The following ACIN1 variants were observed in gnomAD, a reference collection of about 807,000 sequenced individuals.
ACIN1 encodes the protein apoptotic chromatin condensation inducer in the nucleus.
In ACIN1, 16 loss-of-function variants were observed where a neutral mutation model predicts 146.6. The ratio of observed to expected loss-of-function variants is 0.11; its 90% CI spans 0.07 to 0.17. The LOEUF is 0.17. Ranked by LOEUF, ACIN1 falls within the 10% of genes least tolerant of loss-of-function variation. The pLI is 1.00. For missense variants in ACIN1, 1,357 were observed against 1,609.3 expected, an observed-to-expected ratio of 0.84 and a Z score of 2.68; for synonymous variants, 569 against 582.7, an observed-to-expected ratio of 0.98 and a Z score of 0.34.
intron 9 of ACIN1, chr14:23,069,058 G>C (rs896507191): frequency 4.0e-6 from 4 of 988,214 alleles, no homozygotes; most frequent in African/African-American, 3.5e-5. Flanking sequence ...TCTCAGCATG[G>C]CTGGTCTGGT....
chr14:23,063,497 T>C lies in ACIN1; in HGVS notation c.2676A>G (p.Val892=). The change falls in exon 13 of 19, where the codon GTA becomes GTG. Residue 892 remains valine (V), a synonymous_variant. Transcript: ENST00000605057. ...CCACCTCTACTGACACCTGGGGAGG[T>C]ACAGGAGGTTCTGCTTCAGGTTCCT... The part of the protein sequence containing the change: ...EEKEPEAEPP[V]PPQVSVEVAL... 1 of 1,614,096 alleles carries C rather than the reference T, an allele frequency of 6.2e-7. No homozygotes were observed. Among genetic ancestry groups the C allele is most frequent in the Non-Finnish European group, 8.5e-7 (1 of 1,180,012 alleles).
intron 18 of ACIN1, among the ~76,000 whole-genome samples, chr14:23,059,956 GTTTTTTT>G (rs397830741): frequency 5.0e-5 from 5 of 100,150 alleles, no homozygotes; most frequent in African/African-American, 1.7e-4. Flanking sequence ...CGCCCCGCCA[GTTTTTTT>G]TTTTTTTTTT....
rs200319782 is a variant in ACIN1, at chr14:23,081,852, G to A, written c.437-16C>T. 15 of 1,594,886 alleles carry A rather than the reference G, an allele frequency of 9.4e-6. No individual in the cohort carries two copies. The African/African-American group carries it at 1.9e-4, about 20-fold the overall frequency. ...GAGCTTTTTCCTATTGAATGAAAAA[G>A]AATCAAGTCAGATTCATGAAGTGAA... On this transcript the variant is annotated splice_polypyrimidine_tract_variant and intron_variant, in intron 4 of 18. Transcript: ENST00000605057.
Position 23,059,020 on chromosome 14 carries a change from T to C in ACIN1, c.*128A>G. On this transcript the variant is annotated 3_prime_UTR_variant, in exon 19 of 19. Coordinates refer to ENST00000605057, the MANE Select transcript of ACIN1 (RefSeq NM_001386863.1). ...AAAGGATGGCCACTTTTCCATTTGG[T>C]ATGTATGTAGGGATAGGTGATGTGA... The C allele has an allele frequency of 1.2e-6, 1 of 837,944 alleles. No homozygotes were observed. The highest frequency in any genetic ancestry group is 1.9e-6 in the Non-Finnish European group (1 of 531,410). 51.9% of individuals were successfully genotyped at this position (837,944 alleles called of 1,614,324 possible). A position where few individuals can be genotyped will look rare whatever the true frequency, so the allele number is the denominator to read the frequency against.
At chr14:23,083,944 TC>T (rs553193981) in intron 4 of ACIN1, among the ~76,000 whole-genome samples, 124 of 151,684 alleles carry the variant, frequency 8.2e-4, no homozygotes, top group African/African-American at 2.9e-3. Context: ...CAAGATCTTC[TC>T]TCTTATTTTT....
In ACIN1 at chr14:23,061,628, G is replaced by A; in HGVS notation, c.3100-6C>T. On this transcript the variant is annotated splice_polypyrimidine_tract_variant and splice_region_variant and intron_variant, in intron 16 of 18. Transcript: ENST00000605057. ...AGGCCTCGGTGATAATCCAGCTGTG[G>A]GGAGAGGAGGGACAAGGACAGTTAG... 1.3e-6 allele frequency: 2 copies of A among 1,520,854 alleles called. No homozygotes were observed. Among genetic ancestry groups the A allele is most frequent in the East Asian group, 2.5e-5 (1 of 40,758 alleles). 94.2% of individuals were successfully genotyped at this position (1,520,854 alleles called of 1,614,324 possible). A position where few individuals can be genotyped will look rare whatever the true frequency, so the allele number is the denominator to read the frequency against.
chr14:23,095,080 C>G lies in ACIN1; in HGVS notation c.33G>C (p.Gly11=). The change falls in exon 1 of 19, where the codon GGG becomes GGC. Residue 11 remains glycine, a synonymous_variant. Coordinates refer to ENST00000605057, the MANE Select transcript of ACIN1 (RefSeq NM_001386863.1). ...TCACCCGCAGCGCCTGAAGAGGCTT[C>G]CCGTCCAGAGTCACCTCCTCCAGCT... is the stretch of plus-strand genomic sequence containing the variant. MAELEEVTLD[G]KPLQALRVTD... 6.2e-7 allele frequency: 1 copy of G among 1,614,204 alleles called. No homozygotes were observed. Among genetic ancestry groups the G allele is most frequent in the Non-Finnish European group, 8.5e-7 (1 of 1,180,044 alleles).
At chr14:23,071,280 C>A in intron 8 of ACIN1, 1 of 1,501,694 alleles carries the variant, frequency 6.7e-7, no homozygotes, top group South Asian at 1.3e-5. Context: ...GATCCCACCA[C>A]CTCCTCCCCA....
At chr14:23,078,354 G>T (rs2047854950) in intron 7 of ACIN1, 88 bp from the exon 8 acceptor site, 2 of 1,129,720 alleles carry the variant, frequency 1.8e-6, no homozygotes, top group African/African-American at 1.5e-5. Flanking sequence ...AAAAGGCAGG[G>T]CAGGACATAC....
In ACIN1 at chr14:23,080,800, C is replaced by T; in HGVS notation, c.535G>A (p.Ala179Thr). ...GGTTGGCTGCCCTCAGACAGTTTAG[C>T]TGCTCTTGCCTGAAAGAACAGATAC... ...RSSRVRQARA[A>T]KLSEGSQPAE... Residue 179 changes from alanine to threonine, a missense_variant, in exon 6 of 19, where the codon GCT (alanine) becomes ACT (threonine). Physicochemically the swap from Ala to Thr is moderately conservative, Grantham distance 58 (BLOSUM62 0). Coordinates refer to ENST00000605057, the MANE Select transcript of ACIN1 (RefSeq NM_001386863.1). 1 of 1,596,690 alleles carries T rather than the reference C, an allele frequency of 6.3e-7. No homozygotes were observed. Among genetic ancestry groups the T allele is most frequent in the Non-Finnish European group, 8.5e-7 (1 of 1,170,230 alleles).
chr14:23,071,236 A>C lies in ACIN1; in HGVS notation c.2124-1619T>G, dbSNP rs2047637527. 9.9e-6 allele frequency: 15 copies of C among 1,517,534 alleles called. No homozygotes were observed. The Admixed American group carries it at 3.8e-4, about 38-fold the overall frequency. The allele number at this position is 1,517,534 out of a possible 1,614,324, so 94.0% of individuals were successfully genotyped here. A position where few individuals can be genotyped will look rare whatever the true frequency, so the allele number is the denominator to read the frequency against. ...CCAAACAAAAAAAATCCTAAAAAAA[A>C]TAAAGAAAAAAAACCACACCTTCCT... is the stretch of plus-strand genomic sequence containing the variant. On this transcript the variant is annotated intron_variant, in intron 8 of 18. Transcript: ENST00000605057.
chr14:23,083,104 T>C (rs2047992923), intron 4 of ACIN1, among the ~76,000 whole-genome samples: 1 of 151,660 alleles, frequency 6.6e-6, no homozygotes, highest in African/African-American at 2.4e-5. Context: ...AAACCACCAA[T>C]CTAGGTTATC....
intron 9 of ACIN1, chr14:23,069,257 C>T (rs1294410425): frequency 2.8e-5 from 35 of 1,243,454 alleles, no homozygotes; most frequent in Admixed American, 4.2e-5. Flanking sequence ...GGCACTACTT[C>T]CCCAACAAGG....
chr14:23,095,217 C>G, upstream of ACIN1: 1 of 1,613,978 alleles, frequency 6.2e-7, no homozygotes, highest in Non-Finnish European at 8.5e-7. Context: ...CTGCCATACT[C>G]TACCCCTCGA....
rs187875180 is a variant in ACIN1 at position 23,080,528 on chromosome 14, T to C, written c.807A>G (p.Arg269=). Reference sequence around the variant, plus strand: ...TCTCTAACACCTCCTGTTCCTGGGATCTTGTTTTGGGTCTCTCATCCATCA... The same window carrying C: ...TCTCTAACACCTCCTGTTCCTGGGACCTTGTTTTGGGTCTCTCATCCATCA... ...EEMMDERPKT[R]SQEQEVLERG... Residue 269 remains arginine (R), a synonymous_variant, in exon 6 of 19, where the codon AGA becomes AGG. Coordinates refer to ENST00000605057, the MANE Select transcript of ACIN1 (RefSeq NM_001386863.1). 21 of 1,613,972 alleles carry C rather than the reference T, an allele frequency of 1.3e-5. No individual in the cohort carries two copies. Among genetic ancestry groups the C allele is most frequent in the Non-Finnish European group, 1.8e-5 (21 of 1,180,008 alleles).
At chr14:23,081,688 G>T in intron 5 of ACIN1, 60 bp downstream of exon 5, 1 of 1,408,616 alleles carries the variant, frequency 7.1e-7, no homozygotes, top group Non-Finnish European at 9.8e-7. Flanking sequence ...CAAGTCTGAA[G>T]AAGAGAAGAT....
chr14:23,094,860 G>A, intron 1 of ACIN1, 115 bp downstream of exon 1: 1 of 1,394,478 alleles, frequency 7.2e-7, no homozygotes, highest in Non-Finnish European at 9.5e-7. Flanking sequence ...AGAGGCTCGC[G>A]CTGGCGGCCT....
intron 14 of ACIN1, 69 bp downstream of exon 14, chr14:23,062,860 A>G: frequency 1.3e-6 from 2 of 1,501,016 alleles, no homozygotes; most frequent in South Asian, 1.3e-5. Flanking sequence ...AGTGGAACCT[A>G]GGAGGCATAA....
rs1409964591 is a variant in ACIN1 at position 23,061,479 on chromosome 14, T to C, written c.3243A>G (p.Glu1081=). Residue 1081 remains glutamate (E), a synonymous_variant, in exon 17 of 19, where the codon GAA becomes GAG. Transcript: ENST00000605057. ...QHPRAEQREQ[E]RAVREQWAER... is the part of the protein sequence containing the mutation. The stretch of plus-strand genomic sequence containing the variant: ...CTGCCCACTGTTCCCGCACTGCCCG[T>C]TCCTGCTCCCGCTGCTCTGCCCGGG... 1 of 1,597,714 alleles carries C rather than the reference T, an allele frequency of 6.3e-7. No homozygotes were observed. The highest frequency in any genetic ancestry group is 8.5e-7 in the Non-Finnish European group (1 of 1,171,310).
Sources: allele counts gnomAD v4.1 joint callset (sites outside exome capture counted in the v4.1 genomes callset), GRCh38; gene constraint gnomAD v4.1.1; transcripts MANE v1.5; gene names NCBI Gene and HGNC (gene_info 2026-07-23, HGNC 2026-07-21).